Variants in PIP4K2A observed in about 807,000 individuals in gnomAD.
The protein encoded by PIP4K2A is phosphatidylinositol 5-phosphate 4-kinase type-2 alpha.
In PIP4K2A, 14 loss-of-function variants were observed where a neutral mutation model predicts 42.9. The ratio of observed to expected loss-of-function variants is 0.33; its 90% CI spans 0.22 to 0.51. The LOEUF is 0.51. Ranked by LOEUF, PIP4K2A falls within the 20% of genes least tolerant of loss-of-function variation. PIP4K2A has a pLI of 0.97. For missense variants in PIP4K2A, 434 were observed against 519.8 expected, an observed-to-expected ratio of 0.83 and a Z score of 1.61; for synonymous variants, 192 against 192.2, an observed-to-expected ratio of 1.00 and a Z score of 0.01.
rs1554791587 is a variant in PIP4K2A, at chr10:22,536,724, A to AAAAAAAAAAAAAAACAAACC, written c.*476_*477insGGTTTGTTTTTTTTTTTTTT. ...CACATCTTTCAACTCCAAAAAAAAA[A>AAAAAAAAAAAAAAACAAACC]AAAAAAAAAAAAAACTGATCCACAG... is the stretch of plus-strand genomic sequence containing the variant. On this transcript the variant is annotated 3_prime_UTR_variant, in exon 10 of 10. Coordinates refer to ENST00000376573, the MANE Select transcript of PIP4K2A (RefSeq NM_005028.5). The AAAAAAAAAAAAAAACAAACC allele has an allele frequency of 7.3e-6, 1 of 136,824 alleles. No individual in the cohort carries two copies. The highest frequency in any genetic ancestry group is 2.6e-5 in the African/African-American group (1 of 38,400). The allele number at this position is 136,824 out of a possible 1,614,324, so 8.5% of individuals were successfully genotyped here. A position where few individuals can be genotyped will look rare whatever the true frequency, so the allele number is the denominator to read the frequency against.
chr10:22,657,990 G>A (rs1318785108), intron 1 of PIP4K2A, among the ~76,000 whole-genome samples: 2 of 152,072 alleles, frequency 1.3e-5, no homozygotes, highest in Non-Finnish European at 2.9e-5. Flanking sequence ...ACCCTACTGA[G>A]ATCACTGCTA....
At position 22,648,634 on chromosome 10, in the gene PIP4K2A, AG is replaced by A. The variant is rs369046924; in HGVS notation, c.145-38918del. 9.2e-5 allele frequency among the ~76,000 whole-genome samples: 14 copies of A among 152,362 alleles called. No individual in the cohort carries two copies. The East Asian group carries it at 2.3e-3, about 25-fold the overall frequency. On this transcript the variant is annotated intron_variant, in intron 1 of 9. Coordinates refer to ENST00000376573, the MANE Select transcript of PIP4K2A (RefSeq NM_005028.5). ...TTTCTTATGCAGTTTATCTCCAGGAAGAACAGAAAACTGATTAACCACAATC... is the reference window on the plus strand; with the variant it reads ...TTTCTTATGCAGTTTATCTCCAGGAAAACAGAAAACTGATTAACCACAATC...
chr10:22,614,896 G>A (rs896135436), intron 1 of PIP4K2A, among the ~76,000 whole-genome samples: 2 of 152,170 alleles, frequency 1.3e-5, no homozygotes, highest in Non-Finnish European at 2.9e-5. Context: ...CCAGATTGAA[G>A]AAGGCTGAGT....
rs948334974 is a variant in PIP4K2A, at chr10:22,535,700, A to G, written c.*1501T>C. 2 of 165,126 alleles carry G rather than the reference A, an allele frequency of 1.2e-5. No homozygotes were observed. The highest frequency in any genetic ancestry group is 2.6e-5 in the Non-Finnish European group (2 of 77,010). 10.2% of individuals were successfully genotyped at this position (165,126 alleles called of 1,614,324 possible). A position where few individuals can be genotyped will look rare whatever the true frequency, so the allele number is the denominator to read the frequency against. ...AAGTGGATAACCTACTCTAAGCAAGACTAATATTTAAGCTCAATGCCTTTT... is the reference window on the plus strand; with the variant it reads ...AAGTGGATAACCTACTCTAAGCAAGGCTAATATTTAAGCTCAATGCCTTTT... On this transcript the variant is annotated 3_prime_UTR_variant, in exon 10 of 10. Coordinates refer to ENST00000376573, the MANE Select transcript of PIP4K2A (RefSeq NM_005028.5).
At position 22,568,983 on chromosome 10, in the gene PIP4K2A, T is replaced by C. The variant is rs575785747; in HGVS notation, c.640-1094A>G. 1.9e-5 allele frequency: 28 copies of C among 1,512,814 alleles called. No homozygotes were observed. The African/African-American group carries it at 3.2e-4, about 17-fold the overall frequency. The allele number at this position is 1,512,814 out of a possible 1,614,324, so 93.7% of individuals were successfully genotyped here. Reference sequence around the variant, plus strand: ...AAAGACATCTATTGCCCTGGGTTACTTGAGTTAGCCATTCATTAAATGAAC... The same window carrying C: ...AAAGACATCTATTGCCCTGGGTTACCTGAGTTAGCCATTCATTAAATGAAC... On this transcript the variant is annotated intron_variant, in intron 5 of 9. Coordinates refer to ENST00000376573, the MANE Select transcript of PIP4K2A (RefSeq NM_005028.5).
chr10:22,652,579 T>C (rs1009008809), intron 1 of PIP4K2A, among the ~76,000 whole-genome samples: 6 of 152,234 alleles, frequency 3.9e-5, no homozygotes, highest in African/African-American at 1.4e-4. Context: ...CCTGTAATTA[T>C]CTAGCATATT....
chr10:22,607,622 C>A (rs909723286), intron 3 of PIP4K2A, among the ~76,000 whole-genome samples: 1 of 152,060 alleles, frequency 6.6e-6, no homozygotes. Flanking sequence ...TAACAGGCAG[C>A]TCTGCTAGCC....
At chr10:22,640,580 G>C (rs754912374) in intron 1 of PIP4K2A, among the ~76,000 whole-genome samples, 3 of 152,194 alleles carry the variant, frequency 2.0e-5, no homozygotes, top group Non-Finnish European at 2.9e-5. Flanking sequence ...AGTGCCCAGT[G>C]ACCCGTGCAG....
intron 1 of PIP4K2A, among the ~76,000 whole-genome samples, chr10:22,671,041 T>C (rs1040201966): frequency 2.0e-5 from 3 of 152,146 alleles, no homozygotes; most frequent in Admixed American, 2.0e-4. Context: ...TTCCCTTCAC[T>C]GAGTACCCAA....
intron 9 of PIP4K2A, chr10:22,539,757 A>G (rs1331551054): frequency 3.5e-6 from 2 of 566,974 alleles, no homozygotes; most frequent in Non-Finnish European, 6.3e-6. Flanking sequence ...TGGGTTCTGT[A>G]TCTTACGCTC....
intron 4 of PIP4K2A, among the ~76,000 whole-genome samples, chr10:22,581,565 TAAAAAAAAAAAAAAA>T (rs531477426): frequency 1.3e-5 from 1 of 78,668 alleles, no homozygotes; most frequent in African/African-American, 5.6e-5. Context: ...ATCCTATCTC[TAAAAAAAAAAAAAAA>T]AAAAAAAAAA....
At chr10:22,651,759 G>A (rs1199013947) in intron 1 of PIP4K2A, among the ~76,000 whole-genome samples, 4 of 152,308 alleles carry the variant, frequency 2.6e-5, no homozygotes, top group South Asian at 4.1e-4. Flanking sequence ...GCTGGTGCCC[G>A]GGAGGCAGCT....
rs767823609 is a variant in PIP4K2A, at chr10:22,541,950, T to G, written c.890A>C (p.Asp297Ala). 5 of 1,613,958 alleles carry G rather than the reference T, an allele frequency of 3.1e-6. No homozygotes were observed. Among genetic ancestry groups the G allele is most frequent in the Non-Finnish European group, 4.2e-6 (5 of 1,179,948 alleles). ...ATCGCTCTCGCCCTCCTCCTCCCCA[T>G]CGTTCTCCTCACACTCCACTTCCTC... ...EQEEVECEEN[D>A]GEEEGESDGT... The change falls in exon 8 of 10, where the codon GAT (aspartate) becomes GCT (alanine). Residue 297 changes from aspartate (D) to alanine (A), a missense_variant. Around this residue, in one of 2 missense-constraint regions of PIP4K2A, gnomAD observed 395 missense variants for 444.5 expected, o/e 0.89. Coordinates refer to ENST00000376573, the MANE Select transcript of PIP4K2A (RefSeq NM_005028.5).
At chr10:22,607,341 G>T (rs1283310981) in intron 3 of PIP4K2A, among the ~76,000 whole-genome samples, 1 of 152,144 alleles carries the variant, frequency 6.6e-6, no homozygotes, top group Non-Finnish European at 1.5e-5. Context: ...ATTTTTACGT[G>T]GTGGGAATCA....
intron 1 of PIP4K2A, among the ~76,000 whole-genome samples, chr10:22,611,415 C>CAAAAAAAAAAAAA (rs76572163): frequency 1.6e-5 from 1 of 64,226 alleles, no homozygotes; most frequent in Non-Finnish European, 3.0e-5. Flanking sequence ...ACAACAACAA[C>CAAAAAAAAAAAAA]AAAAAAAAAA....
chr10:22,579,890 T>C (rs60056993), intron 4 of PIP4K2A, among the ~76,000 whole-genome samples: 8,089 of 149,694 alleles, frequency 0.054, 890 homozygotes, highest in African/African-American at 0.19. Flanking sequence ...GCCTAGGTGA[T>C]AGAACGAGAC....
chr10:22,640,265 C>T (rs1838753577), intron 1 of PIP4K2A, among the ~76,000 whole-genome samples: 1 of 152,126 alleles, frequency 6.6e-6, no homozygotes, highest in African/African-American at 2.4e-5. Flanking sequence ...AGAAGGATGA[C>T]GGCTATTGCA....
At chr10:22,590,401 C>T (rs974396586) in intron 4 of PIP4K2A, among the ~76,000 whole-genome samples, 4 of 152,046 alleles carry the variant, frequency 2.6e-5, no homozygotes, top group African/African-American at 9.7e-5. Flanking sequence ...TATTTTTATA[C>T]CATGGATGTT....
At chr10:22,687,483 A>T (rs1839787965) in intron 1 of PIP4K2A, among the ~76,000 whole-genome samples, 1 of 152,134 alleles carries the variant, frequency 6.6e-6, no homozygotes, top group Admixed American at 6.5e-5. Flanking sequence ...CCTAGAGTTC[A>T]TAAAACTGTA....
Sources: allele counts gnomAD v4.1 joint callset (sites outside exome capture counted in the v4.1 genomes callset), GRCh38; gene constraint gnomAD v4.1.1; regional missense constraint gnomAD v4.1.1; transcripts MANE v1.5; gene names NCBI Gene and HGNC (gene_info 2026-07-23, HGNC 2026-07-21).